TEK: variants seen among roughly 807,000 people sequenced by gnomAD.
TEK encodes TEK receptor tyrosine kinase.
Under a neutral mutation model 131.8 loss-of-function variants are expected in TEK, and 43 were observed. The observed-to-expected ratio is 0.33, with a 90% CI of 0.26 to 0.42. The LOEUF (loss-of-function observed/expected upper bound fraction) is 0.42. TEK is among the 10% of genes least tolerant of loss of function. The pLI, the probability that TEK is intolerant of heterozygous loss-of-function variation, is 1.00. For synonymous variants in TEK, 580 were observed against 491.6 expected (o/e 1.18, Z -2.38); for missense variants, 1,162 against 1,384.4 (o/e 0.84, Z 2.55).
intron 21 of TEK, among the ~76,000 whole-genome samples, chr9:27,224,770 G>GAGAA (rs200238199): frequency 6.6e-6 from 1 of 152,144 alleles, no homozygotes; most frequent in African/African-American, 2.4e-5. Context: ...AGTCAGGCAA[G>GAGAA]AGAAAGAAAG....
chr9:27,110,645 A>G (rs1821304015), intron 1 of TEK, among the ~76,000 whole-genome samples: 1 of 152,192 alleles, frequency 6.6e-6, no homozygotes, highest in South Asian at 2.1e-4. Flanking sequence ...GAGTATACAT[A>G]AGTATCTGCT....
chr9:27,210,258 TACACACACACACACATACC>T (rs1184389850), intron 16 of TEK: 4 of 100,712 alleles, frequency 4.0e-5, no homozygotes, highest in African/African-American at 1.8e-4. Flanking sequence ...AAATGAAAGT[TACACACACACACACATACC>T]ACACACACAC....
At chr9:27,125,719 AG>A (rs1460759953) in intron 1 of TEK, among the ~76,000 whole-genome samples, 19 of 152,360 alleles carry the variant, frequency 1.2e-4, no homozygotes, top group South Asian at 6.2e-4. Context: ...AGCAAAATAT[AG>A]GTGTATAACA....
At chr9:27,220,573 C>T (rs1457639472) in intron 21 of TEK, among the ~76,000 whole-genome samples, 1 of 152,182 alleles carries the variant, frequency 6.6e-6, no homozygotes, top group African/African-American at 2.4e-5. Flanking sequence ...ACGCAGAAGG[C>T]AAGTGATTTC....
rs184320335 is a variant in TEK, at chr9:27,145,310, A to T, written c.53-12521A>T. ...GAAGGAAACACAGGAACTCTTCCTTAGCTCTTGATCGGCCTGTTTCCTGCC... is the reference window on the plus strand; with the variant it reads ...GAAGGAAACACAGGAACTCTTCCTTTGCTCTTGATCGGCCTGTTTCCTGCC... On this transcript the variant is annotated intron_variant, in intron 1 of 22. Transcript: ENST00000380036. Among the ~76,000 whole-genome samples the T allele has an allele frequency of 2.7e-3, 406 of 152,354 alleles. 2 individuals are homozygous for T. Among genetic ancestry groups the T allele is most frequent in the Non-Finnish European group, 4.6e-3 (313 of 68,036 alleles).
chr9:27,160,182 C>T lies in TEK; in HGVS notation c.364+2040C>T, dbSNP rs113338847. Among the ~76,000 whole-genome samples the T allele has an allele frequency of 1.9e-3, 286 of 152,102 alleles. 2 individuals are homozygous for T. Among genetic ancestry groups the T allele is most frequent in the African/African-American group, 6.6e-3 (272 of 41,476 alleles). On this transcript the variant is annotated intron_variant, in intron 2 of 22. Coordinates refer to ENST00000380036, the MANE Select transcript of TEK (RefSeq NM_000459.5). ...GGACTACAGGCATGCACCACCATGC[C>T]TGGCTAATTAAACGAATTTTTCATA... is the stretch of plus-strand genomic sequence containing the variant.
intron 1 of TEK, among the ~76,000 whole-genome samples, chr9:27,151,722 G>T (rs1823133546): frequency 6.6e-6 from 1 of 152,192 alleles, no homozygotes; most frequent in East Asian, 1.9e-4. Context: ...CGAGACGGTT[G>T]TATATTCACT....
intron 14 of TEK, among the ~76,000 whole-genome samples, chr9:27,206,047 G>A (rs1825388152): frequency 6.6e-6 from 1 of 152,258 alleles, no homozygotes; most frequent in Non-Finnish European, 1.5e-5. Flanking sequence ...GAGATACTGT[G>A]TTGGGTTTGG....
At chr9:27,190,767 C>T (rs1586992144) in intron 10 of TEK, 77 bp downstream of exon 10, 3 of 1,575,582 alleles carry the variant, frequency 1.9e-6, no homozygotes, top group East Asian at 4.5e-5. Flanking sequence ...CTAGAAATTC[C>T]CTTCTCCCTG....
At chr9:27,129,898 A>T (rs908727408) in intron 1 of TEK, among the ~76,000 whole-genome samples, 1 of 152,222 alleles carries the variant, frequency 6.6e-6, no homozygotes, top group African/African-American at 2.4e-5. Flanking sequence ...ATATTGTATA[A>T]TATTTTCTTC....
At chr9:27,124,520 A>C (rs569938555) in intron 1 of TEK, among the ~76,000 whole-genome samples, 72 of 152,250 alleles carry the variant, frequency 4.7e-4, no homozygotes, top group Non-Finnish European at 8.7e-4. Context: ...GCATGTTGTC[A>C]CACCCAAAGT....
chr9:27,158,475 C>A (rs1184773143), intron 2 of TEK, among the ~76,000 whole-genome samples: 1 of 152,048 alleles, frequency 6.6e-6, no homozygotes, highest in African/African-American at 2.4e-5. Flanking sequence ...TGTTCATTGC[C>A]AAACTACTAT....
Position 27,160,391 on chromosome 9 carries a change from A to G in TEK, c.364+2249A>G, listed in dbSNP as rs141608976. Among the ~76,000 whole-genome samples, 368 of 152,298 alleles carry G rather than the reference A, an allele frequency of 2.4e-3. 1 individual carries two copies. Among genetic ancestry groups the G allele is most frequent in the African/African-American group, 8.3e-3 (344 of 41,572 alleles). On this transcript the variant is annotated intron_variant, in intron 2 of 22. Transcript: ENST00000380036. Reference sequence around the variant, plus strand: ...TTGCTGATTGGCTGTTTCTTTTATAATCTAACCATCTGTAGTCTGCATTTT... The same window carrying G: ...TTGCTGATTGGCTGTTTCTTTTATAGTCTAACCATCTGTAGTCTGCATTTT...
intron 20 of TEK, among the ~76,000 whole-genome samples, chr9:27,219,280 C>T (rs1251413919): frequency 6.6e-6 from 1 of 152,166 alleles, no homozygotes; most frequent in Non-Finnish European, 1.5e-5. Flanking sequence ...GGTACATATA[C>T]ACCGTGGAAT....
At chr9:27,161,466 A>G (rs1823545624) in intron 2 of TEK, among the ~76,000 whole-genome samples, 1 of 152,272 alleles carries the variant, frequency 6.6e-6, no homozygotes, top group Admixed American at 6.5e-5. Flanking sequence ...AGGTAAAGCA[A>G]TATATTGCAG....
chr9:27,217,684 C>A lies in TEK; in HGVS notation c.2992-4C>A. On this transcript the variant is annotated splice_region_variant and splice_polypyrimidine_tract_variant and intron_variant, in intron 18 of 22. Coordinates refer to ENST00000380036, the MANE Select transcript of TEK (RefSeq NM_000459.5). ...TAAGTGAAATCTCACTTTGTTCTCTCCAGGGAAGGCTCCCAGTGCGCTGGA... is the reference window on the plus strand; with the variant it reads ...TAAGTGAAATCTCACTTTGTTCTCTACAGGGAAGGCTCCCAGTGCGCTGGA... The A allele has an allele frequency of 6.2e-7, 1 of 1,613,594 alleles. No homozygotes were observed. The highest frequency in any genetic ancestry group is 8.5e-7 in the Non-Finnish European group (1 of 1,179,588).
At chr9:27,161,926 T>C (rs1478019568) in intron 2 of TEK, among the ~76,000 whole-genome samples, 2 of 152,252 alleles carry the variant, frequency 1.3e-5, no homozygotes, top group African/African-American at 4.8e-5. Context: ...TTATTGTAAT[T>C]TCTTTGAGTA....
intron 1 of TEK, among the ~76,000 whole-genome samples, chr9:27,152,392 T>C (rs1162956373): frequency 6.8e-6 from 1 of 146,676 alleles, no homozygotes; most frequent in African/African-American, 2.6e-5. Context: ...CATCTGCAGC[T>C]GTATGTGAAC....
At chr9:27,169,683 AT>A (rs1823876430) in intron 4 of TEK, 54 bp downstream of exon 4, 1 of 1,611,342 alleles carries the variant, frequency 6.2e-7, no homozygotes, top group Admixed American at 1.7e-5. Context: ...GGTTGTTAGG[AT>A]TTTTAGTTGC....
Sources: allele counts gnomAD v4.1 joint callset (sites outside exome capture counted in the v4.1 genomes callset), GRCh38; gene constraint gnomAD v4.1.1; transcripts MANE v1.5; gene names NCBI Gene and HGNC (gene_info 2026-07-23, HGNC 2026-07-21).